ITGB2: variants seen among roughly 807,000 people sequenced by gnomAD.
ITGB2 encodes the protein integrin beta-2.
ITGB2 carries 56 observed loss-of-function variants against 86.8 expected under a neutral mutation model. The observed-to-expected ratio is 0.65, with a 90% CI of 0.52 to 0.81. ITGB2 has a LOEUF of 0.81. ITGB2 is among the 30% of genes least tolerant of loss of function. The pLI is 0.00. For missense variants in ITGB2, 948 were observed against 1,061.2 expected (o/e 0.89, Z 1.48); for synonymous variants, 457 against 450.4 (o/e 1.01, Z -0.19).
At chr21:44,914,492 C>T (rs1479937562) in intron 1 of ITGB2, among the ~76,000 whole-genome samples, 7 of 152,242 alleles carry the variant, frequency 4.6e-5, no homozygotes, top group Non-Finnish European at 1.5e-5. Flanking sequence ...ACAAGAACCA[C>T]ACTTCACGGT....
intron 1 of ITGB2, among the ~76,000 whole-genome samples, chr21:44,919,621 C>T (rs1290561833): frequency 6.6e-6 from 1 of 152,216 alleles, no homozygotes; most frequent in Non-Finnish European, 1.5e-5. Context: ...GTTGCGCCAC[C>T]GTCACGGGGA....
upstream of ITGB2, among the ~76,000 whole-genome samples, chr21:44,923,718 A>G (rs917682686): frequency 1.3e-5 from 2 of 152,260 alleles, no homozygotes; most frequent in Admixed American, 6.5e-5. Context: ...ATGGTTGCAC[A>G]GTACTAAGTG....
chr21:44,925,137 C>CTT (rs71334038), upstream of ITGB2, among the ~76,000 whole-genome samples: 978 of 145,002 alleles, frequency 6.7e-3, 8 homozygotes, highest in African/African-American at 0.022. Flanking sequence ...TAGTTTATAT[C>CTT]TTTTTTTTTT....
rs868212330 is a variant in ITGB2, at chr21:44,886,742, C to T, written c.2241G>A (p.Trp747Ter). The T allele has an allele frequency of 6.2e-7, 1 of 1,613,958 alleles. No homozygotes were observed. Among genetic ancestry groups the T allele is most frequent in the Non-Finnish European group, 8.5e-7 (1 of 1,180,026 alleles). The change falls in exon 15 of 16, where the codon TGG (tryptophan) becomes TGA (stop). Residue 747 changes from tryptophan to a stop codon, truncating the protein, a stop_gained. Transcript: ENST00000652462. LOFTEE classifies it high-confidence loss of function. ...RFEKEKLKSQ[W>*]NNDNPLFKSA... Reference sequence around the variant, plus strand: ...CCCAAGGACGGCCACTTACATTGTTCCACTGGGACTTGAGCTTCTCCTTCT... The same window carrying T: ...CCCAAGGACGGCCACTTACATTGTTTCACTGGGACTTGAGCTTCTCCTTCT...
At chr21:44,906,704 G>A (rs984229192) in intron 4 of ITGB2, among the ~76,000 whole-genome samples, 1 of 152,174 alleles carries the variant, frequency 6.6e-6, no homozygotes, top group African/African-American at 2.4e-5. Context: ...CGATGGTAAG[G>A]GCTGGGGCAG....
chr21:44,891,762 G>A, intron 11 of ITGB2, 47 bp downstream of exon 11: 1 of 1,589,404 alleles, frequency 6.3e-7, no homozygotes, highest in Non-Finnish European at 8.5e-7. Context: ...CCTGCCCTGT[G>A]GGGTGGGGCT....
chr21:44,909,313 T>A (rs1203869969), intron 3 of ITGB2: 1 of 152,248 alleles, frequency 6.6e-6, no homozygotes, highest in Non-Finnish European at 1.5e-5. Context: ...ACTGAGGGGC[T>A]CCTGCCAAAG....
intron 14 of ITGB2, 63 bp downstream of exon 14, chr21:44,888,630 C>T (rs1456065420): frequency 1.3e-6 from 2 of 1,554,242 alleles, no homozygotes; most frequent in Non-Finnish European, 1.8e-6. Flanking sequence ...CCACCCTCGC[C>T]TCTGCGGAGA....
chr21:44,887,250 A>G lies in ITGB2; in HGVS notation c.2081-348T>C, dbSNP rs235376. On this transcript the variant is annotated intron_variant, in intron 14 of 15. Coordinates refer to ENST00000652462, the MANE Select transcript of ITGB2 (RefSeq NM_000211.5). Reference sequence around the variant, plus strand: ...CCCGCTCTCCTACAGCAGAGTTCAGAACCAGGCTCAGGGTCCCTGCTGGAG... The same window carrying G: ...CCCGCTCTCCTACAGCAGAGTTCAGGACCAGGCTCAGGGTCCCTGCTGGAG... Among the ~76,000 whole-genome samples the G allele has an allele frequency of 6.1e-3, 936 of 152,314 alleles. 10 individuals are homozygous for G. Among genetic ancestry groups the G allele is most frequent in the Admixed American group, 0.014 (218 of 15,310 alleles).
In ITGB2 at chr21:44,886,114, C is replaced by T. The variant is rs995849549; in HGVS notation, c.*254G>A. ...GATGTCCTGACTTGCACAGGAAACA[C>T]GCACCTAACCTCACCAACCTCAAGC... is the stretch of plus-strand genomic sequence containing the variant. On this transcript the variant is annotated 3_prime_UTR_variant, in exon 16 of 16. Transcript: ENST00000652462. 4 of 566,332 alleles carry T rather than the reference C, an allele frequency of 7.1e-6. No homozygotes were observed. The highest frequency in any genetic ancestry group is 6.0e-5 in the South Asian group (3 of 49,950). The allele number at this position is 566,332 out of a possible 1,614,324, so 35.1% of individuals were successfully genotyped here.
At chr21:44,925,344 C>T (rs1430464682), upstream of ITGB2, among the ~76,000 whole-genome samples, 1 of 145,876 alleles carries the variant, frequency 6.9e-6, no homozygotes, top group African/African-American at 2.5e-5. Flanking sequence ...GCCAAGATCA[C>T]ACCACTGCAC....
chr21:44,924,430 C>G (rs1387054494), upstream of ITGB2, among the ~76,000 whole-genome samples: 1 of 151,896 alleles, frequency 6.6e-6, no homozygotes, highest in Non-Finnish European at 1.5e-5. Context: ...AACTCTTACT[C>G]AAAAACAAAA....
intron 9 of ITGB2, 191 bp from the exon 10 acceptor site, chr21:44,893,735 G>T: frequency 4.4e-6 from 3 of 682,990 alleles, no homozygotes; most frequent in Non-Finnish European, 7.7e-6. Context: ...TCCTGCCCTC[G>T]AGACAGCCTG....
At chr21:44,927,272 C>T (rs966236587) in intron 1 of ITGB2, among the ~76,000 whole-genome samples, 9 of 152,110 alleles carry the variant, frequency 5.9e-5, no homozygotes, top group African/African-American at 2.2e-4. Context: ...TCCAGGCTCA[C>T]TTCACAGAGG....
chr21:44,901,474 C>T lies in ITGB2; in HGVS notation c.741+18G>A, dbSNP rs777771354. On this transcript the variant is annotated intron_variant, in intron 6 of 15. Coordinates refer to ENST00000652462, the MANE Select transcript of ITGB2 (RefSeq NM_000211.5). Reference sequence around the variant, plus strand: ...CACTGGGGGAACGTGGGGACCCAAGCAGGGGCAGCGGCCTCACCGGGCAGG... The same window carrying T: ...CACTGGGGGAACGTGGGGACCCAAGTAGGGGCAGCGGCCTCACCGGGCAGG... 1 of 1,612,952 alleles carries T rather than the reference C, an allele frequency of 6.2e-7. No homozygotes were observed. The highest frequency in any genetic ancestry group is 2.2e-5 in the East Asian group (1 of 44,838).
At chr21:44,889,714 G>A (rs1421719253) in intron 12 of ITGB2, among the ~76,000 whole-genome samples, 1 of 152,332 alleles carries the variant, frequency 6.6e-6, no homozygotes, top group East Asian at 1.9e-4. Flanking sequence ...TGCTGTGAAT[G>A]GGACCTCAAT....
chr21:44,909,980 T>A (rs1013689355), intron 3 of ITGB2, among the ~76,000 whole-genome samples: 6 of 152,250 alleles, frequency 3.9e-5, no homozygotes, highest in African/African-American at 1.2e-4. Context: ...CGTAGTTTTG[T>A]AAGTGAAAAC....
chr21:44,920,697 C>T (rs943227532), intron 1 of ITGB2, 124 bp downstream of exon 1: 1 of 152,376 alleles, frequency 6.6e-6, no homozygotes, highest in East Asian at 1.9e-4. Context: ...CTGGAGACCC[C>T]TTCCTGCCAG....
intron 3 of ITGB2, 87 bp from the exon 4 acceptor site, chr21:44,907,182 C>T: frequency 1.1e-6 from 1 of 932,472 alleles, no homozygotes; most frequent in Non-Finnish European, 1.6e-6. Context: ...GAGGACCCAC[C>T]CTGTCCCCTC....
Sources: gnomAD v4.1 joint callset for allele counts (sites outside exome capture counted in the v4.1 genomes callset) on GRCh38, gnomAD v4.1.1 for gene constraint, MANE v1.5 for transcripts, NCBI Gene and HGNC (gene_info 2026-07-23, HGNC 2026-07-21) for gene names.